The following CDH13 variants were observed in gnomAD, a reference collection of about 807,000 sequenced individuals.
The protein encoded by CDH13 is cadherin 13.
In CDH13, 24 loss-of-function variants were observed where a neutral mutation model predicts 63.8. The ratio of observed to expected loss-of-function variants is 0.38; its 90% CI spans 0.27 to 0.53. CDH13 has a LOEUF of 0.53. Among genes scored for constraint, CDH13 ranks in the 20% least tolerant of loss-of-function variants. CDH13 has a pLI of 0.85. For missense variants in CDH13, 1,049 were observed against 903.1 expected, an observed-to-expected ratio of 1.16 and a Z score of -2.07; for synonymous variants, 503 against 355.3, an observed-to-expected ratio of 1.42 and a Z score of -4.67.
intron 6 of CDH13, among the ~76,000 whole-genome samples, chr16:83,368,891 T>C (rs1431187703): frequency 5.7e-5 from 1 of 17,628 alleles, no homozygotes; most frequent in Non-Finnish European, 1.0e-4. Context: ...ATGTTATATA[T>C]ATATATATAT....
chr16:83,346,097 C>A (rs908077249), intron 6 of CDH13, among the ~76,000 whole-genome samples: 9 of 152,202 alleles, frequency 5.9e-5, no homozygotes, highest in African/African-American at 2.2e-4. Context: ...CCCCCAAGGG[C>A]AAGAGCGACC....
chr16:82,744,178 C>T (rs1389678213), intron 1 of CDH13, among the ~76,000 whole-genome samples: 5 of 152,142 alleles, frequency 3.3e-5, no homozygotes, highest in Admixed American at 6.5e-5. Context: ...GCAGCCTCTG[C>T]CAGCATGTTT....
At chr16:83,643,273 TAGAGTA>T (rs1911463234) in intron 8 of CDH13, among the ~76,000 whole-genome samples, 1 of 33,978 alleles carries the variant, frequency 2.9e-5, no homozygotes, top group Non-Finnish European at 5.2e-5. Flanking sequence ...CCCTATAACT[TAGAGTA>T]TAATAAAAAA....
At chr16:82,795,432 GT>G (rs2036534257) in intron 1 of CDH13, among the ~76,000 whole-genome samples, 1 of 152,182 alleles carries the variant, frequency 6.6e-6, no homozygotes, top group Non-Finnish European at 1.5e-5. Context: ...GCCCGGAGGG[GT>G]CGGGGAACCT....
At chr16:83,325,474 T>C (rs761972228) in intron 5 of CDH13, among the ~76,000 whole-genome samples, 3 of 152,198 alleles carry the variant, frequency 2.0e-5, no homozygotes, top group Admixed American at 6.5e-5. Flanking sequence ...AGATAACAGG[T>C]ACTTTAGGCC....
intron 1 of CDH13, among the ~76,000 whole-genome samples, chr16:82,827,675 A>G (rs527439954): frequency 1.3e-5 from 2 of 152,124 alleles, no homozygotes; most frequent in Admixed American, 1.3e-4. Flanking sequence ...AGGACATGGA[A>G]CCTCTGGGGA....
At chr16:83,265,807 G>C (rs532107313) in intron 5 of CDH13, among the ~76,000 whole-genome samples, 3 of 131,106 alleles carry the variant, frequency 2.3e-5, no homozygotes, top group African/African-American at 8.6e-5. Flanking sequence ...CTTTGCTGCC[G>C]TTGTCCTCTG....
chr16:82,779,553 C>T (rs1039973075), intron 1 of CDH13, among the ~76,000 whole-genome samples: 2 of 151,988 alleles, frequency 1.3e-5, no homozygotes, highest in African/African-American at 2.4e-5. Context: ...CTCCAAGGGG[C>T]GGAGCGGGAG....
chr16:83,775,320 G>A (rs1915033974), intron 11 of CDH13, among the ~76,000 whole-genome samples: 1 of 151,730 alleles, frequency 6.6e-6, no homozygotes, highest in Non-Finnish European at 1.5e-5. Flanking sequence ...TTCTCTGGAG[G>A]CAGGGGCCAT....
intron 6 of CDH13, among the ~76,000 whole-genome samples, chr16:83,382,103 G>A (rs1567631585): frequency 6.6e-6 from 1 of 152,182 alleles, no homozygotes; most frequent in Non-Finnish European, 1.5e-5. Context: ...GTGGTTGTGA[G>A]TAAGTCACCT....
chr16:83,204,639 G>A (rs2039130355), intron 4 of CDH13, among the ~76,000 whole-genome samples: 1 of 152,130 alleles, frequency 6.6e-6, no homozygotes, highest in African/African-American at 2.4e-5. Flanking sequence ...GTTTTTATGT[G>A]TCTCTAAACC....
intron 6 of CDH13, among the ~76,000 whole-genome samples, chr16:83,470,231 C>G (rs2073419952): frequency 6.6e-6 from 1 of 152,018 alleles, no homozygotes; most frequent in Non-Finnish European, 1.5e-5. Flanking sequence ...TAGATTTTTG[C>G]TTTTTTTAGA....
chr16:82,994,764 C>G (rs1319250556), intron 2 of CDH13, among the ~76,000 whole-genome samples: 1 of 152,104 alleles, frequency 6.6e-6, no homozygotes, highest in African/African-American at 2.4e-5. Context: ...CTCAGATGAT[C>G]TGGTTAAGGG....
At chr16:82,856,086 A>G (rs1421886423) in intron 1 of CDH13, among the ~76,000 whole-genome samples, 4 of 152,144 alleles carry the variant, frequency 2.6e-5, no homozygotes, top group African/African-American at 9.7e-5. Flanking sequence ...TAAGAAAAAT[A>G]CTAGCTGGGG....
intron 7 of CDH13, among the ~76,000 whole-genome samples, chr16:83,496,467 C>A (rs889068135): frequency 2.0e-5 from 3 of 151,436 alleles, no homozygotes; most frequent in African/African-American, 7.3e-5. Flanking sequence ...ATGTAGAAAG[C>A]TGAAACTGGA....
chr16:83,328,146 A>G (rs1166868087), intron 5 of CDH13, among the ~76,000 whole-genome samples: 8 of 107,814 alleles, frequency 7.4e-5, no homozygotes, highest in African/African-American at 2.4e-4. Context: ...AAAGAAAAAG[A>G]AAAAAAATTG....
chr16:82,963,233 G>T (rs1048174827), intron 2 of CDH13, among the ~76,000 whole-genome samples: 8 of 148,578 alleles, frequency 5.4e-5, no homozygotes, highest in African/African-American at 1.8e-4. Flanking sequence ...AAAAAAAATT[G>T]CCAGGTGTGG....
intron 1 of CDH13, among the ~76,000 whole-genome samples, chr16:82,690,717 A>G (rs1915562211): frequency 1.3e-5 from 2 of 152,238 alleles, no homozygotes; most frequent in South Asian, 2.1e-4. Context: ...TTCATGAATA[A>G]AAGAAACATG....
At chr16:82,751,118 A>G (rs1383480196) in intron 1 of CDH13, among the ~76,000 whole-genome samples, 1 of 152,100 alleles carries the variant, frequency 6.6e-6, no homozygotes, top group South Asian at 2.1e-4. Context: ...AATCTTCAGT[A>G]TGTGCTTTTA....
Sources: allele counts gnomAD v4.1 joint callset (sites outside exome capture counted in the v4.1 genomes callset), GRCh38; gene constraint gnomAD v4.1.1; transcripts MANE v1.5; gene names NCBI Gene and HGNC (gene_info 2026-07-23, HGNC 2026-07-21).